The following PKD1L1 variants were observed in gnomAD, a reference collection of about 807,000 sequenced individuals.
PKD1L1 encodes the protein polycystin-1-like protein 1.
PKD1L1 carries 236 observed loss-of-function variants against 323.4 expected under a neutral mutation model. The ratio of observed to expected loss-of-function variants is 0.73; its 90% CI spans 0.66 to 0.81. The LOEUF (loss-of-function observed/expected upper bound fraction) is 0.81, where lower values mean the gene tolerates loss of function less well. PKD1L1 is among the 40% of genes least tolerant of loss of function. The pLI is 0.00. For synonymous variants in PKD1L1, 1,344 were observed against 1,335.0 expected, an observed-to-expected ratio of 1.01 and a Z score of -0.15; for missense variants, 3,320 against 3,508.0, an observed-to-expected ratio of 0.95 and a Z score of 1.35.
intron 17 of PKD1L1, among the ~76,000 whole-genome samples, chr7:47,887,656 G>A (rs546608301): frequency 2.0e-5 from 3 of 152,348 alleles, no homozygotes; most frequent in Admixed American, 6.5e-5. Context: ...AGGTGGTGAC[G>A]GACACAGCCC....
At chr7:47,831,801 G>T (rs893268937) in intron 41 of PKD1L1, among the ~76,000 whole-genome samples, 2 of 152,218 alleles carry the variant, frequency 1.3e-5, no homozygotes, top group African/African-American at 4.8e-5. Flanking sequence ...CAGAGGCAGA[G>T]AGGTCAGTTT....
In PKD1L1 at chr7:47,847,168, C is replaced by G. The variant is rs73331768; in HGVS notation, c.4961-97G>C. Reference sequence around the variant, plus strand: ...GACAGAGTAGGCAGATAGGTGGGGACAAGGACTACAGATGAGCAAGAACTG... The same window carrying G: ...GACAGAGTAGGCAGATAGGTGGGGAGAAGGACTACAGATGAGCAAGAACTG... On this transcript the variant is annotated intron_variant, in intron 31 of 56. Coordinates refer to ENST00000289672, the MANE Select transcript of PKD1L1 (RefSeq NM_138295.5). The G allele has an allele frequency of 4.0e-3, 3,599 of 900,466 alleles. 103 individuals carry two copies. In the African/African-American group the frequency reaches 0.056, roughly 14 times the overall value. 55.8% of individuals were successfully genotyped at this position (900,466 alleles called of 1,614,324 possible). A position where few individuals can be genotyped will look rare whatever the true frequency, so the allele number is the denominator to read the frequency against.
At position 47,858,694 on chromosome 7, in the gene PKD1L1, T is replaced by C. The variant is rs1440462068; in HGVS notation, c.4341A>G (p.Thr1447=). Reference sequence around the variant, plus strand: ...TTACCAACAATAAATCTGAGATGACTGTAATTCCTTCTTCATGTCGATAGA... The same window carrying C: ...TTACCAACAATAAATCTGAGATGACCGTAATTCCTTCTTCATGTCGATAGA... ...EEVYRHEEGI[T]VISDLLLGCL... is the part of the protein sequence containing the mutation. Residue 1447 remains threonine (T), a synonymous_variant, in exon 27 of 57, where the codon ACA becomes ACG. Coordinates refer to ENST00000289672, the MANE Select transcript of PKD1L1 (RefSeq NM_138295.5). 1.9e-6 allele frequency: 3 copies of C among 1,613,246 alleles called. No homozygotes were observed. The highest frequency in any genetic ancestry group is 1.7e-5 in the Admixed American group (1 of 60,010).
Position 47,946,423 on chromosome 7 carries a change from A to G in PKD1L1, c.44+1974T>C, listed in dbSNP as rs1467135889. On this transcript the variant is annotated intron_variant, in intron 1 of 56. Coordinates refer to ENST00000289672, the MANE Select transcript of PKD1L1 (RefSeq NM_138295.5). The surrounding 1 kb of genome is among the most constrained non-coding windows in gnomAD (Gnocchi z 4.1). ...ACAAACACACCACACAGCATCACACACAATATACACACACCACACAGCACA... is the reference window on the plus strand; with the variant it reads ...ACAAACACACCACACAGCATCACACGCAATATACACACACCACACAGCACA... 1.3e-5 allele frequency among the ~76,000 whole-genome samples: 2 copies of G among 151,146 alleles called. No individual in the cohort carries two copies. The highest frequency in any genetic ancestry group is 3.0e-5 in the Non-Finnish European group (2 of 67,728).
At chr7:47,877,015 A>G (rs1786419711) in intron 22 of PKD1L1, among the ~76,000 whole-genome samples, 1 of 152,008 alleles carries the variant, frequency 6.6e-6, no homozygotes, top group African/African-American at 2.4e-5. Flanking sequence ...ATCTTTTTAA[A>G]TCCATCCTCT....
At chr7:47,858,927 A>G in intron 26 of PKD1L1, 42 bp from the exon 27 acceptor site, 1 of 1,589,534 alleles carries the variant, frequency 6.3e-7, no homozygotes, top group Non-Finnish European at 8.6e-7. Context: ...CCTGGCCTTG[A>G]GCAAGGAGTG....
chr7:47,950,818 C>T (rs536582833), upstream of PKD1L1, among the ~76,000 whole-genome samples: 3 of 152,300 alleles, frequency 2.0e-5, no homozygotes, highest in East Asian at 3.9e-4. Flanking sequence ...AGAACACCCT[C>T]GGGGCCAGCG....
intron 6 of PKD1L1, among the ~76,000 whole-genome samples, chr7:47,930,366 A>G (rs1787743525): frequency 6.6e-6 from 1 of 152,110 alleles, no homozygotes; most frequent in Admixed American, 6.6e-5. Context: ...TTAGCCGGGC[A>G]TGGTGGCAGG....
chr7:47,802,235 T>C (rs1784679864), intron 53 of PKD1L1, among the ~76,000 whole-genome samples: 1 of 150,564 alleles, frequency 6.6e-6, no homozygotes, highest in South Asian at 2.1e-4. Context: ...TGCTAAATGG[T>C]CTTAATAATG....
chr7:47,864,427 G>A (rs1456289061), intron 26 of PKD1L1, among the ~76,000 whole-genome samples: 2 of 152,084 alleles, frequency 1.3e-5, no homozygotes, highest in Non-Finnish European at 2.9e-5. Context: ...AAGAAGGTGT[G>A]ACGAAGGAAA....
intron 37 of PKD1L1, among the ~76,000 whole-genome samples, chr7:47,836,684 G>A (rs577450330): frequency 1.1e-4 from 16 of 152,308 alleles, no homozygotes; most frequent in African/African-American, 2.6e-4. Flanking sequence ...GCCTGGGCAC[G>A]AGCTCCCACA....
chr7:47,906,120 G>A (rs573818511), intron 9 of PKD1L1, among the ~76,000 whole-genome samples, 158 bp from the exon 10 acceptor site: 1 of 152,058 alleles, frequency 6.6e-6, no homozygotes, highest in Non-Finnish European at 1.5e-5. Context: ...AGACATACCT[G>A]GGAAACATAA....
chr7:47,790,549 T>A (rs1007413938), intron 56 of PKD1L1, among the ~76,000 whole-genome samples: 13 of 151,856 alleles, frequency 8.6e-5, no homozygotes, highest in African/African-American at 3.1e-4. Flanking sequence ...GCCAGGATGG[T>A]CTTGATCTCC....
chr7:47,853,552 G>C (rs1785828088), intron 30 of PKD1L1, among the ~76,000 whole-genome samples: 1 of 152,110 alleles, frequency 6.6e-6, no homozygotes, highest in African/African-American at 2.4e-5. Flanking sequence ...AGACCAGCCT[G>C]ACCAACATGG....
intron 24 of PKD1L1, 150 bp from the exon 25 acceptor site, chr7:47,866,764 T>C (rs1353444017): frequency 7.1e-6 from 4 of 563,888 alleles, no homozygotes; most frequent in Non-Finnish European, 3.0e-6. Flanking sequence ...AATTGGTCTG[T>C]GCAACGGAAA....
chr7:47,920,393 T>C (rs1417253814), intron 7 of PKD1L1, among the ~76,000 whole-genome samples: 2 of 150,164 alleles, frequency 1.3e-5, no homozygotes, highest in South Asian at 4.2e-4. Context: ...AAATCATGGA[T>C]GACACAAACA....
At chr7:47,891,277 T>C (rs1786811034) in intron 15 of PKD1L1, among the ~76,000 whole-genome samples, 1 of 152,180 alleles carries the variant, frequency 6.6e-6, no homozygotes, top group Non-Finnish European at 1.5e-5. Context: ...GCATCTCTCC[T>C]CCCAGTCTCA....
intron 52 of PKD1L1, among the ~76,000 whole-genome samples, chr7:47,804,198 G>T (rs1197271304): frequency 2.6e-5 from 4 of 152,216 alleles, no homozygotes; most frequent in African/African-American, 9.6e-5. Context: ...GCTGTGAGTG[G>T]CTGTCACCCC....
At chr7:47,909,087 G>A (rs1787266113) in intron 8 of PKD1L1, among the ~76,000 whole-genome samples, 1 of 152,172 alleles carries the variant, frequency 6.6e-6, no homozygotes, top group Non-Finnish European at 1.5e-5. Context: ...TATGTTTTAA[G>A]GCACTAAGTT....
Sources: gnomAD v4.1 joint callset for allele counts (sites outside exome capture counted in the v4.1 genomes callset) on GRCh38, gnomAD v4.1.1 for gene constraint, Gnocchi (gnomAD v3.1) non-coding constraint, MANE v1.5 for transcripts, NCBI Gene and HGNC (gene_info 2026-07-23, HGNC 2026-07-21) for gene names.